The following CDKAL1 variants were observed in gnomAD, a reference collection of about 807,000 sequenced individuals.
CDKAL1 encodes the protein threonylcarbamoyladenosine tRNA methylthiotransferase.
A neutral mutation model predicts 68.2 loss-of-function variants in CDKAL1; 32 were observed. The observed-to-expected ratio is 0.47, with a 90% CI of 0.35 to 0.63. The LOEUF (loss-of-function observed/expected upper bound fraction) is 0.63, where lower values mean the gene tolerates loss of function less well. Among genes scored for constraint, CDKAL1 ranks in the 30% least tolerant of loss-of-function variants. The pLI, the probability that CDKAL1 is intolerant of heterozygous loss-of-function variation, is 0.00. For synonymous variants in CDKAL1, 234 were observed against 244.3 expected (o/e 0.96, Z 0.39); for missense variants, 606 against 696.7 (o/e 0.87, Z 1.47).
intron 2 of CDKAL1, among the ~76,000 whole-genome samples, chr6:20,541,862 G>T (rs1763401762): frequency 6.6e-6 from 1 of 152,218 alleles, no homozygotes; most frequent in South Asian, 2.1e-4. Flanking sequence ...GTTTCTCTAT[G>T]TTGGTCAGGC....
At chr6:20,653,618 ATTTTTT>A (rs140223481) in intron 5 of CDKAL1, among the ~76,000 whole-genome samples, 1 of 138,422 alleles carries the variant, frequency 7.2e-6, no homozygotes, top group Admixed American at 7.2e-5. Context: ...CACCCGGCTA[ATTTTTT>A]TTTTTTTTTG....
chr6:20,948,587 T>A (rs1167977034), intron 9 of CDKAL1, among the ~76,000 whole-genome samples: 1 of 152,254 alleles, frequency 6.6e-6, no homozygotes, highest in Admixed American at 6.5e-5. Context: ...AATGATTTTC[T>A]TCTTTCCTCT....
rs111288351 is a variant in CDKAL1, at chr6:20,707,265, C to T, written c.372-32254C>T. On this transcript the variant is annotated intron_variant, in intron 5 of 15. Coordinates refer to ENST00000274695, the MANE Select transcript of CDKAL1 (RefSeq NM_017774.3). ...AGTGTTTTGGGTCTTTCCTTGGTCACGTGGCTGTTGAGATCTGCCTGGGTT... is the reference window on the plus strand; with the variant it reads ...AGTGTTTTGGGTCTTTCCTTGGTCATGTGGCTGTTGAGATCTGCCTGGGTT... 4.4e-3 allele frequency among the ~76,000 whole-genome samples: 666 copies of T among 152,264 alleles called. 6 individuals are homozygous for T. Among genetic ancestry groups the T allele is most frequent in the African/African-American group, 0.015 (627 of 41,538 alleles).
chr6:20,671,202 A>C (rs1438225608), intron 5 of CDKAL1, among the ~76,000 whole-genome samples: 1 of 152,104 alleles, frequency 6.6e-6, no homozygotes, highest in Admixed American at 6.5e-5. Flanking sequence ...CATTCTTTAT[A>C]ATTTTCACCA....
chr6:21,231,515 C>T lies in CDKAL1; in HGVS notation c.*476C>T, dbSNP rs1308864820. The T allele has an allele frequency of 6.6e-6, 1 of 152,266 alleles. No homozygotes were observed. The highest frequency in any genetic ancestry group is 1.5e-5 in the Non-Finnish European group (1 of 68,140). The allele number at this position is 152,266 out of a possible 1,614,324, so 9.4% of individuals were successfully genotyped here. On this transcript the variant is annotated 3_prime_UTR_variant, in exon 16 of 16. Coordinates refer to ENST00000274695, the MANE Select transcript of CDKAL1 (RefSeq NM_017774.3). Reference sequence around the variant, plus strand: ...GATCTCAGGTCACTGCAACCTCTGCCTCCTGGGTTCAAACGATTCTCCTGC... The same window carrying T: ...GATCTCAGGTCACTGCAACCTCTGCTTCCTGGGTTCAAACGATTCTCCTGC...
chr6:20,609,618 A>C (rs573033688), intron 4 of CDKAL1, among the ~76,000 whole-genome samples: 2 of 151,946 alleles, frequency 1.3e-5, no homozygotes, highest in South Asian at 4.2e-4. Flanking sequence ...CTGGTCTCAA[A>C]TTCCTGACTT....
rs1428696004 is a variant in CDKAL1 at position 21,201,165 on chromosome 6, A to G, written c.1439A>G (p.Tyr480Cys). The G allele has an allele frequency of 1.9e-6, 3 of 1,614,060 alleles. No individual in the cohort carries two copies. The highest frequency in any genetic ancestry group is 1.7e-6 in the Non-Finnish European group (2 of 1,179,908). Reference protein sequence around the residue: ...FMGKMVEVDIYESGKHFMKGQ... With the variant: ...FMGKMVEVDICESGKHFMKGQ... ...GGGAAGATGGTTGAAGTGGACATCTATGAATCAGGCAAACATTTTATGAAA... is the reference window on the plus strand; with the variant it reads ...GGGAAGATGGTTGAAGTGGACATCTGTGAATCAGGCAAACATTTTATGAAA... The change falls in exon 15 of 16, where the codon TAT becomes TGT. Residue 480 changes from tyrosine to cysteine, a missense_variant. Physicochemically the swap from Tyr to Cys is radical, Grantham distance 194 (BLOSUM62 -2). Coordinates refer to ENST00000274695, the MANE Select transcript of CDKAL1 (RefSeq NM_017774.3).
chr6:20,570,294 G>A (rs890520754), intron 4 of CDKAL1, among the ~76,000 whole-genome samples: 3 of 151,694 alleles, frequency 2.0e-5, no homozygotes, highest in Non-Finnish European at 4.4e-5. Flanking sequence ...AGTAGAGACG[G>A]AGTTTCACCA....
At chr6:20,646,349 C>T (rs1033711277) in intron 4 of CDKAL1, among the ~76,000 whole-genome samples, 1 of 151,306 alleles carries the variant, frequency 6.6e-6, no homozygotes, top group African/African-American at 2.4e-5. Flanking sequence ...GCCACTGCAC[C>T]TGGCCAACTT....
intron 11 of CDKAL1, among the ~76,000 whole-genome samples, chr6:21,059,715 C>T (rs894420129): frequency 6.6e-6 from 1 of 151,156 alleles, no homozygotes; most frequent in South Asian, 2.1e-4. Context: ...GTGGGAGCCA[C>T]TGATGGCAGC....
At chr6:20,968,818 TA>T (rs1765454018) in intron 10 of CDKAL1, among the ~76,000 whole-genome samples, 1 of 152,124 alleles carries the variant, frequency 6.6e-6, no homozygotes, top group African/African-American at 2.4e-5. Flanking sequence ...TGATTTTCCT[TA>T]ATTCTTGGGA....
At position 21,130,221 on chromosome 6, in the gene CDKAL1, CTTTTTTTTTT is replaced by C. The variant is rs10708944; in HGVS notation, c.1299+21769_1299+21778del. Among the ~76,000 whole-genome samples, 684 of 115,632 alleles carry C rather than the reference CTTTTTTTTTT, an allele frequency of 5.9e-3. 5 individuals are homozygous for C. Among genetic ancestry groups the C allele is most frequent in the African/African-American group, 0.021 (644 of 30,568 alleles). 75.9% of individuals were successfully genotyped at this position (115,632 alleles called of 152,430 possible). On this transcript the variant is annotated intron_variant, in intron 13 of 15. Transcript: ENST00000274695. ...CTGCCTTGTAGCAAATTGGACCTAACTTTTTTTTTTTTTTTTTTTTGAGATGTAGTTTCGC... is the reference window on the plus strand; with the variant it reads ...CTGCCTTGTAGCAAATTGGACCTAACTTTTTTTTTTGAGATGTAGTTTCGC...
At position 20,748,554 on chromosome 6, in the gene CDKAL1, G is replaced by GAA. The variant is rs1773762406; in HGVS notation, c.468+8939_468+8940insAA. ...GGAAAGAGAGCAAGACTCTGTTTCTGGAAAAAAAAAAAAAAAAAAAAAAAA... is the reference window on the plus strand; with the variant it reads ...GGAAAGAGAGCAAGACTCTGTTTCTGAAGAAAAAAAAAAAAAAAAAAAAAAAA... On this transcript the variant is annotated intron_variant, in intron 6 of 15. Coordinates refer to ENST00000274695, the MANE Select transcript of CDKAL1 (RefSeq NM_017774.3). Among the ~76,000 whole-genome samples, 8 of 77,106 alleles carry GAA rather than the reference G, an allele frequency of 1.0e-4. 3 individuals are homozygous for GAA. The highest frequency in any genetic ancestry group is 3.8e-4 in the African/African-American group (8 of 20,998). 50.6% of individuals were successfully genotyped at this position (77,106 alleles called of 152,430 possible).
chr6:21,129,452 G>C (rs1389120433), intron 13 of CDKAL1, among the ~76,000 whole-genome samples: 1 of 151,922 alleles, frequency 6.6e-6, no homozygotes, highest in African/African-American at 2.4e-5. Context: ...CCAACCTACT[G>C]TGAGTAGAAA....
intron 4 of CDKAL1, among the ~76,000 whole-genome samples, chr6:20,596,786 G>A (rs145638372): frequency 0.011 from 1,613 of 152,336 alleles, 18 homozygotes; most frequent in Non-Finnish European, 0.012. Flanking sequence ...GGCCCTGGTG[G>A]TGTAGGCACC....
rs1320638174 is a variant in CDKAL1, at chr6:20,744,537, A to T, written c.468+4922A>T. 2.6e-5 allele frequency among the ~76,000 whole-genome samples: 4 copies of T among 152,096 alleles called. No individual in the cohort carries two copies. The East Asian group carries it at 7.7e-4, about 29-fold the overall frequency. ...GAGAGAATTCTGGTTTGAGTCCAGA[A>T]CTTCTCCAGCTTCCTGGAGAATCTA... On this transcript the variant is annotated intron_variant, in intron 6 of 15. Transcript: ENST00000274695.
intron 5 of CDKAL1, among the ~76,000 whole-genome samples, chr6:20,728,496 C>CTTTT (rs1257437507): frequency 6.6e-6 from 1 of 152,048 alleles, no homozygotes; most frequent in Non-Finnish European, 1.5e-5. Flanking sequence ...ATATGTATGG[C>CTTTT]TTATTGAGAT....
chr6:20,879,665 G>A (rs1243404895), intron 9 of CDKAL1, among the ~76,000 whole-genome samples: 2 of 152,082 alleles, frequency 1.3e-5, no homozygotes, highest in African/African-American at 2.4e-5. Flanking sequence ...GTCCTTGCTG[G>A]ATTTCCTGCA....
intron 5 of CDKAL1, among the ~76,000 whole-genome samples, chr6:20,712,759 C>T (rs1237612930): frequency 6.6e-6 from 1 of 152,028 alleles, no homozygotes; most frequent in Non-Finnish European, 1.5e-5. Flanking sequence ...GTTCTCCTGC[C>T]TCAGCCTCTG....
Sources: gnomAD v4.1 joint callset for allele counts (sites outside exome capture counted in the v4.1 genomes callset) on GRCh38, gnomAD v4.1.1 for gene constraint, MANE v1.5 for transcripts, NCBI Gene and HGNC (gene_info 2026-07-23, HGNC 2026-07-21) for gene names.